CELF2: variants seen among roughly 807,000 people sequenced by gnomAD.
The protein encoded by CELF2 is CUGBP Elav-like family member 2.
In CELF2, 8 loss-of-function variants were observed where a neutral mutation model predicts 62.6. The observed-to-expected ratio is 0.13, with a 90% CI of 0.07 to 0.23. The LOEUF (loss-of-function observed/expected upper bound fraction) is 0.23. Ranked by LOEUF, CELF2 falls within the 10% of genes least tolerant of loss-of-function variation. The pLI is 1.00. For synonymous variants in CELF2, 258 were observed against 250.0 expected (o/e 1.03, Z -0.30); for missense variants, 333 against 671.0 (o/e 0.50, Z 5.56).
chr10:11,272,845 G>A (rs1370304590), intron 7 of CELF2, among the ~76,000 whole-genome samples: 1 of 152,160 alleles, frequency 6.6e-6, no homozygotes, highest in Non-Finnish European at 1.5e-5. Flanking sequence ...GACACTCCAG[G>A]TATTTCCACT....
the CELF2 span, among the ~76,000 whole-genome samples, chr10:10,725,454 G>C: frequency 6.6e-6 from 1 of 152,176 alleles, no homozygotes; most frequent in Non-Finnish European, 1.5e-5. Context: ...TTTATTGCCT[G>C]ATGTAATGTA....
intron 1 of CELF2, among the ~76,000 whole-genome samples, chr10:11,028,537 A>C (rs1166790041): frequency 6.7e-6 from 1 of 149,594 alleles, no homozygotes; most frequent in Non-Finnish European, 1.5e-5. Context: ...CTCTTGCCTC[A>C]GCCTCCCGAG....
At chr10:11,049,451 G>GGA (rs34049808) in intron 1 of CELF2, among the ~76,000 whole-genome samples, 12,748 of 150,496 alleles carry the variant, frequency 0.085, 1,804 homozygotes, top group African/African-American at 0.29. Context: ...AATAGATGGG[G>GGA]GAGAGGTCAA....
the CELF2 span, among the ~76,000 whole-genome samples, chr10:10,674,679 ATTAG>A: frequency 6.6e-6 from 1 of 152,216 alleles, no homozygotes; most frequent in Non-Finnish European, 1.5e-5. Flanking sequence ...TTCTTAGAAG[ATTAG>A]TTATACTTTT....
chr10:10,829,967 AC>A (rs2057710244), intron 1 of CELF2, among the ~76,000 whole-genome samples: 3 of 151,656 alleles, frequency 2.0e-5, no homozygotes, highest in African/African-American at 7.3e-5. Flanking sequence ...GCAACCTGTA[AC>A]CCCCCTGGCC....
At chr10:10,682,179 G>A in the CELF2 span, among the ~76,000 whole-genome samples, 1 of 152,136 alleles carries the variant, frequency 6.6e-6, no homozygotes, top group Non-Finnish European at 1.5e-5. Flanking sequence ...CGTAGATGTA[G>A]TAGAAATCAA....
rs1035886131 is a variant in CELF2 at position 11,331,964 on chromosome 10, T to A, written c.*2911T>A. On this transcript the variant is annotated 3_prime_UTR_variant, in exon 13 of 13. Transcript: ENST00000633077. ...CCCTGCATCTATCCTCTAAGTTGTTTCGGTTTGACTACTTTGTTCTTTGGT... is the reference window on the plus strand; with the variant it reads ...CCCTGCATCTATCCTCTAAGTTGTTACGGTTTGACTACTTTGTTCTTTGGT... 6.6e-6 allele frequency: 1 copy of A among 152,310 alleles called. No homozygotes were observed. The highest frequency in any genetic ancestry group is 1.5e-5 in the Non-Finnish European group (1 of 68,048). The allele number at this position is 152,310 out of a possible 1,614,324, so 9.4% of individuals were successfully genotyped here. A position where few individuals can be genotyped will look rare whatever the true frequency, so the allele number is the denominator to read the frequency against.
At chr10:10,664,033 G>A in the CELF2 span, among the ~76,000 whole-genome samples, 1 of 152,064 alleles carries the variant, frequency 6.6e-6, no homozygotes, top group African/African-American at 2.4e-5. Context: ...TATAAACCAC[G>A]GAGGATAGAT....
At chr10:11,225,655 A>G (rs180834178) in intron 3 of CELF2, among the ~76,000 whole-genome samples, 219 of 152,298 alleles carry the variant, frequency 1.4e-3, no homozygotes, top group African/African-American at 3.2e-3. Context: ...AAATGGAGAA[A>G]AGAAAGGGCA....
intron 1 of CELF2, among the ~76,000 whole-genome samples, chr10:11,142,736 A>G (rs2061565731): frequency 6.6e-6 from 1 of 151,408 alleles, no homozygotes. Flanking sequence ...ATTAATGACC[A>G]CAGGATCCGA....
At chr10:11,292,324 T>C (rs4750040) in intron 9 of CELF2, among the ~76,000 whole-genome samples, 150,436 of 152,312 alleles carry the variant, frequency 0.99, 74,317 homozygotes, top group Middle Eastern at 1. Context: ...TAGTCATGAC[T>C]GATAGACGGT....
At chr10:10,987,275 T>C (rs964174091) in intron 2 of CELF2, among the ~76,000 whole-genome samples, 7 of 151,902 alleles carry the variant, frequency 4.6e-5, no homozygotes, top group African/African-American at 1.7e-4. Context: ...TTTTCATTTC[T>C]GGCATTGCTC....
chr10:11,292,818 T>A (rs1386691510), intron 9 of CELF2, among the ~76,000 whole-genome samples: 1 of 152,218 alleles, frequency 6.6e-6, no homozygotes, highest in African/African-American at 2.4e-5. Context: ...ACTTGGTCGC[T>A]GATCTTTGCA....
At chr10:11,002,030 C>A (rs2054568062), upstream of CELF2, among the ~76,000 whole-genome samples, 1 of 152,074 alleles carries the variant, frequency 6.6e-6, no homozygotes, top group Admixed American at 6.6e-5. This position sits in a 1 kb window ranked among gnomAD's most constrained non-coding sequence, Gnocchi z 4.4. Context: ...TGTATTAGTC[C>A]ATTTTCACAT....
In CELF2 at chr10:11,220,046, A is replaced by G. The variant is rs2064371514; in HGVS notation, c.354+2539A>G. Among the ~76,000 whole-genome samples, 3 of 152,370 alleles carry G rather than the reference A, an allele frequency of 2.0e-5. 1 individual carries two copies. The East Asian group carries it at 5.8e-4, about 29-fold the overall frequency. Reference sequence around the variant, plus strand: ...TAAGAAATTAATGATGCACTTTGCCATATGCCTTCAATTTCTTTCTGAATA... The same window carrying G: ...TAAGAAATTAATGATGCACTTTGCCGTATGCCTTCAATTTCTTTCTGAATA... On this transcript the variant is annotated intron_variant, in intron 3 of 12. Coordinates refer to ENST00000633077, the MANE Select transcript of CELF2 (RefSeq NM_001326342.2). This position sits in a 1 kb window ranked among gnomAD's most constrained non-coding sequence, Gnocchi z 4.4.
rs937873739 is a variant in CELF2, at chr10:11,008,265, C to A, written c.53+2825C>A. 4.6e-5 allele frequency among the ~76,000 whole-genome samples: 7 copies of A among 152,182 alleles called. No individual in the cohort carries two copies. The highest frequency in any genetic ancestry group is 1.4e-4 in the African/African-American group (6 of 41,442). On this transcript the variant is annotated intron_variant, in intron 1 of 12. Transcript: ENST00000416382. This position sits in a 1 kb window ranked among gnomAD's most constrained non-coding sequence, Gnocchi z 4.5. ...AAGATTCAAACTGGGAAAATGACTT[C>A]TTTCCACAGAAAGTAAATATTGCAC... is the stretch of plus-strand genomic sequence containing the variant.
intron 11 of CELF2, among the ~76,000 whole-genome samples, chr10:11,325,631 C>G (rs1310279497): frequency 6.6e-6 from 1 of 152,232 alleles, no homozygotes; most frequent in Non-Finnish European, 1.5e-5. Flanking sequence ...GAAAGGAAGC[C>G]ATTCGTAACC....
chr10:10,648,378 A>T, the CELF2 span, among the ~76,000 whole-genome samples: 4 of 152,180 alleles, frequency 2.6e-5, no homozygotes, highest in African/African-American at 9.7e-5. Context: ...GAAGTAAGAG[A>T]TCACCTTTGA....
chr10:11,221,538 T>C (rs1406582543), intron 3 of CELF2, among the ~76,000 whole-genome samples: 1 of 151,708 alleles, frequency 6.6e-6, no homozygotes, highest in African/African-American at 2.4e-5. Context: ...CTTTCCAAGG[T>C]CTTAACACAT....
Sources: gnomAD v4.1 joint callset for allele counts (sites outside exome capture counted in the v4.1 genomes callset) on GRCh38, gnomAD v4.1.1 for gene constraint, Gnocchi (gnomAD v3.1) non-coding constraint, MANE v1.5 for transcripts, NCBI Gene and HGNC (gene_info 2026-07-23, HGNC 2026-07-21) for gene names.